The following TEX10 variants were observed in gnomAD, a reference collection of about 807,000 sequenced individuals.
The protein encoded by TEX10 is testis expressed 10, also known as testis-expressed protein 10.
In TEX10, 24 loss-of-function variants were observed where a neutral mutation model predicts 104.4. That is an observed-to-expected ratio of 0.23 (90% CI 0.17 to 0.32). TEX10 has a LOEUF of 0.32. Among genes scored for constraint, TEX10 ranks in the 10% least tolerant of loss-of-function variants. TEX10 has a pLI of 1.00. For synonymous variants in TEX10, 396 were observed against 393.4 expected (o/e 1.01, Z -0.08); for missense variants, 921 against 1,083.9 (o/e 0.85, Z 2.11).
At chr9:100,350,149 C>T (rs1835405340) in intron 1 of TEX10, among the ~76,000 whole-genome samples, 1 of 152,196 alleles carries the variant, frequency 6.6e-6, no homozygotes, top group South Asian at 2.1e-4. Flanking sequence ...TGTACTTCCT[C>T]CCCCTCTATA....
At chr9:100,351,904 T>C (rs1238068629) in intron 1 of TEX10, among the ~76,000 whole-genome samples, 1 of 152,086 alleles carries the variant, frequency 6.6e-6, no homozygotes, top group South Asian at 2.1e-4. Flanking sequence ...CAGTAGCCGG[T>C]TTTTAGCAAA....
Position 100,346,704 on chromosome 9 carries a change from ACTGTGAACTGACATTTGG to A in TEX10, c.865_882del (p.Pro289_Gln294del), listed in dbSNP as rs773772371. ...TGAAATCCTTCTTACCGTAGCCTGA[ACTGTGAACTGACATTTGG>A]CTGTGAACCCCCATTTTCATAAACC... On this transcript the variant is annotated inframe_deletion, in exon 3 of 15. Coordinates refer to ENST00000374902, the MANE Select transcript of TEX10 (RefSeq NM_017746.4). 9 of 1,611,606 alleles carry A rather than the reference ACTGTGAACTGACATTTGG, an allele frequency of 5.6e-6. No individual in the cohort carries two copies. The highest frequency in any genetic ancestry group is 6.8e-6 in the Non-Finnish European group (8 of 1,178,698).
chr9:100,308,701 A>T lies in TEX10; in HGVS notation c.2284-20T>A, dbSNP rs1434742343. ...CCCAACCTAAGCAGAGAAAAACGAG[A>T]TTAATCACCTCTTCATAACAGACCC... On this transcript the variant is annotated intron_variant, in intron 12 of 14. Coordinates refer to ENST00000374902, the MANE Select transcript of TEX10 (RefSeq NM_017746.4). 1 of 1,566,920 alleles carries T rather than the reference A, an allele frequency of 6.4e-7. No individual in the cohort carries two copies. Among genetic ancestry groups the T allele is most frequent in the South Asian group, 1.2e-5 (1 of 82,412 alleles).
At chr9:100,336,626 C>T (rs531872225) in intron 5 of TEX10, among the ~76,000 whole-genome samples, 2 of 152,258 alleles carry the variant, frequency 1.3e-5, no homozygotes, top group East Asian at 3.9e-4. Flanking sequence ...TGTTTCATTA[C>T]GTATTACAAT....
At chr9:100,329,432 C>T (rs899808949) in intron 6 of TEX10, among the ~76,000 whole-genome samples, 157 bp from the exon 7 acceptor site, 2 of 152,072 alleles carry the variant, frequency 1.3e-5, no homozygotes, top group African/African-American at 2.4e-5. Context: ...TAGCAATAGC[C>T]TAATAAAAAA....
chr9:100,329,372 A>G (rs1834795054), intron 6 of TEX10, 97 bp from the exon 7 acceptor site: 6 of 1,436,850 alleles, frequency 4.2e-6, no homozygotes, highest in Non-Finnish European at 5.6e-6. Flanking sequence ...CTTTCTTCCT[A>G]TGGCAAAGCC....
intron 3 of TEX10, 93 bp from the exon 4 acceptor site, chr9:100,346,408 T>G (rs965350281): frequency 3.8e-5 from 52 of 1,361,494 alleles, no homozygotes; most frequent in Admixed American, 5.3e-5. Flanking sequence ...ACTAGTAAAA[T>G]GAAGCACCAT....
At chr9:100,317,201 A>G (rs1317511265) in intron 11 of TEX10, among the ~76,000 whole-genome samples, 1 of 152,182 alleles carries the variant, frequency 6.6e-6, no homozygotes, top group Non-Finnish European at 1.5e-5. Flanking sequence ...TACTAAGCAA[A>G]AAGAGCAAAG....
chr9:100,326,170 A>G, intron 9 of TEX10, 132 bp downstream of exon 9: 1 of 893,212 alleles, frequency 1.1e-6, no homozygotes, highest in South Asian at 1.9e-5. Context: ...CTAGTGATAT[A>G]GTTTTAATTG....
At position 100,329,930 on chromosome 9, in the gene TEX10, C is replaced by A; in HGVS notation, c.1489+1G>T. On this transcript the variant is annotated splice_donor_variant, in intron 6 of 14. Coordinates refer to ENST00000374902, the MANE Select transcript of TEX10 (RefSeq NM_017746.4). LOFTEE classifies it high-confidence loss of function. ...AATAAGGGCAAAGTAGCATCACCTA[C>A]CTCTGTTTGGCTGTATTTGCATTAA... The A allele has an allele frequency of 6.2e-7, 1 of 1,605,772 alleles. No individual in the cohort carries two copies. Among genetic ancestry groups the A allele is most frequent in the Non-Finnish European group, 8.5e-7 (1 of 1,174,728 alleles).
chr9:100,341,892 T>G (rs1835183564), intron 4 of TEX10, among the ~76,000 whole-genome samples: 1 of 152,250 alleles, frequency 6.6e-6, no homozygotes, highest in African/African-American at 2.4e-5. Context: ...CACATTAAAG[T>G]TAAATAAATA....
At chr9:100,331,923 TG>T (rs928732563) in intron 5 of TEX10, among the ~76,000 whole-genome samples, 1 of 152,206 alleles carries the variant, frequency 6.6e-6, no homozygotes, top group African/African-American at 2.4e-5. Flanking sequence ...TATACAAATA[TG>T]TGAGTCTGAA....
At chr9:100,352,370 C>G in intron 1 of TEX10, 1 of 1,551,688 alleles carries the variant, frequency 6.4e-7, no homozygotes, top group Non-Finnish European at 8.7e-7. Flanking sequence ...GACGCCAGCT[C>G]ATCCCCACTC....
chr9:100,324,361 A>G (rs1834650534), intron 9 of TEX10, among the ~76,000 whole-genome samples: 2 of 152,160 alleles, frequency 1.3e-5, no homozygotes, highest in Admixed American at 6.5e-5. Flanking sequence ...ATGAAAAGTG[A>G]TAAAATGATG....
chr9:100,304,075 A>G (rs1834084835), intron 13 of TEX10: 1 of 557,464 alleles, frequency 1.8e-6, no homozygotes, highest in Admixed American at 3.1e-5. Context: ...AAAACTACAG[A>G]ACACTGCTGA....
At chr9:100,333,352 T>A (rs1181275393) in intron 5 of TEX10, among the ~76,000 whole-genome samples, 1 of 152,208 alleles carries the variant, frequency 6.6e-6, no homozygotes, top group African/African-American at 2.4e-5. Context: ...TAGTTCTGCA[T>A]CATTCTAGCA....
chr9:100,335,129 T>C (rs2118903219), intron 5 of TEX10, among the ~76,000 whole-genome samples: 1 of 152,350 alleles, frequency 6.6e-6, no homozygotes, highest in East Asian at 1.9e-4. Context: ...AGTTCTTTGA[T>C]ATGCAGCAGA....
chr9:100,314,033 C>T (rs1199424979), intron 11 of TEX10, among the ~76,000 whole-genome samples: 16 of 151,440 alleles, frequency 1.1e-4, no homozygotes, highest in East Asian at 3.9e-4. Flanking sequence ...GTACATTTGG[C>T]AGAATTCAGC....
intron 5 of TEX10, among the ~76,000 whole-genome samples, chr9:100,333,525 G>T (rs1834926088): frequency 6.6e-6 from 1 of 151,756 alleles, no homozygotes; most frequent in Non-Finnish European, 1.5e-5. Flanking sequence ...AGCAAAACAA[G>T]CTGGGCATGG....
Sources: allele counts gnomAD v4.1 joint callset (sites outside exome capture counted in the v4.1 genomes callset), GRCh38; gene constraint gnomAD v4.1.1; transcripts MANE v1.5; gene names NCBI Gene and HGNC (gene_info 2026-07-23, HGNC 2026-07-21).